Variants in ZAN observed in about 807,000 individuals in gnomAD.
ZAN encodes zonadhesin, also known as zonadhesin (gene/pseudogene).
In ZAN, 260 loss-of-function variants were observed where a neutral mutation model predicts 286.2. That is an observed-to-expected ratio of 0.91 (90% CI 0.82 to 1.01). ZAN has a LOEUF of 1.01. Among genes scored for constraint, ZAN ranks in the 50% least tolerant of loss-of-function variants. The pLI is 0.00. For synonymous variants in ZAN, 1,368 were observed against 1,417.5 expected (o/e 0.97, Z 0.79); for missense variants, 3,410 against 3,639.2 (o/e 0.94, Z 1.62).
chr7:100,765,462 T>C lies in ZAN; in HGVS notation c.4378T>C (p.Cys1460Arg), dbSNP rs1415465744. The change falls in exon 23 of 48, where the codon TGT (cysteine) becomes CGT (arginine). Residue 1460 changes from cysteine to arginine, a missense_variant. By Grantham distance (180) the Cys-to-Arg change is radical. This residue lies in a region of ZAN where 1,042 missense variants were observed against 1,058.0 expected (regional missense o/e 0.98). Coordinates refer to ENST00000613979, the MANE Select transcript of ZAN (RefSeq NM_003386.3). ...MFCSDRCVEACECNPGFVLSG... is the reference protein window; with the variant it reads ...MFCSDRCVEARECNPGFVLSG... Reference sequence around the variant, plus strand: ...CTGCTCAGACCGGTGCGTGGAGGCCTGTGAATGCAATCCGGGCTTCGTCCT... The same window carrying C: ...CTGCTCAGACCGGTGCGTGGAGGCCCGTGAATGCAATCCGGGCTTCGTCCT... 6.2e-7 allele frequency: 1 copy of C among 1,613,570 alleles called. No individual in the cohort carries two copies. Among genetic ancestry groups the C allele is most frequent in the South Asian group, 1.1e-5 (1 of 90,978 alleles).
Position 100,759,767 on chromosome 7 carries a change from AG to A in ZAN, c.3620del (p.Gly1207AlafsTer5). On this transcript the variant is annotated frameshift_variant, in exon 18 of 48. Transcript: ENST00000613979. LOFTEE classifies it high-confidence loss of function. ...CCAAGAATGAGGAGCAGGGACAGGA[AG>A]GCGTGTCCTGCCTGAGCAAAGTCTA... ...TAKNEEQGQE[G>X]VSCLSKVYVT... 1 of 1,600,722 alleles carries A rather than the reference AG, an allele frequency of 6.2e-7. No homozygotes were observed. The highest frequency in any genetic ancestry group is 8.5e-7 in the Non-Finnish European group (1 of 1,173,844).
In ZAN at chr7:100,737,823, C is replaced by G. The variant is rs1807423299; in HGVS notation, c.613+474C>G. On this transcript the variant is annotated intron_variant, in intron 6 of 47. Coordinates refer to ENST00000613979, the MANE Select transcript of ZAN (RefSeq NM_003386.3). ...GCCGTGCCTAAAGAGAGGTCTCGGC[C>G]CAGCACAGTGGCTCAGGCCTGTAAT... is the stretch of plus-strand genomic sequence containing the variant. Among the ~76,000 whole-genome samples, 2 of 140,170 alleles carry G rather than the reference C, an allele frequency of 1.4e-5. 1 individual carries two copies. Among genetic ancestry groups the G allele is most frequent in the Non-Finnish European group, 3.2e-5 (2 of 62,632 alleles). 92.0% of individuals were successfully genotyped at this position (140,170 alleles called of 152,430 possible).
intron 3 of ZAN, 67 bp from the exon 4 acceptor site, chr7:100,736,416 C>T: frequency 3.4e-6 from 5 of 1,455,024 alleles, no homozygotes; most frequent in Non-Finnish European, 4.8e-6. Flanking sequence ...CTACTTCCCT[C>T]TCCCTGTGTG....
chr7:100,772,587 C>T (rs1378752001), intron 29 of ZAN, among the ~76,000 whole-genome samples: 2 of 151,532 alleles, frequency 1.3e-5, no homozygotes, highest in Non-Finnish European at 2.9e-5. Context: ...TTTGGGAGGC[C>T]GAGGCAGGTG....
At chr7:100,792,575 T>C (rs768658078) in intron 42 of ZAN, 96 bp downstream of exon 42, 1 of 1,568,808 alleles carries the variant, frequency 6.4e-7, no homozygotes, top group South Asian at 1.2e-5. Flanking sequence ...GTGCCGACCC[T>C]GACCCCTCTG....
chr7:100,787,902 C>A lies in ZAN; in HGVS notation c.6993C>A (p.Cys2331Ter). 1 of 1,529,068 alleles carries A rather than the reference C, an allele frequency of 6.5e-7. No homozygotes were observed. The allele number at this position is 1,529,068 out of a possible 1,614,324, so 94.7% of individuals were successfully genotyped here. A position where few individuals can be genotyped will look rare whatever the true frequency, so the allele number is the denominator to read the frequency against. The part of the protein sequence containing the change: ...SNCVSDKSEQ[C>*]SVYGDPRYLT... ...ACTTCTTGGCAGAGTCTGAACAATG[C>A]TCAGTCTATGGCGACCCCCGTTACC... The change falls in exon 38 of 48, where the codon TGC becomes TGA. Residue 2331 changes from cysteine to a stop codon, truncating the protein, a stop_gained. Coordinates refer to ENST00000613979, the MANE Select transcript of ZAN (RefSeq NM_003386.3). LOFTEE classifies it high-confidence loss of function.
intron 20 of ZAN, among the ~76,000 whole-genome samples, chr7:100,762,579 C>G (rs1471103815): frequency 1.3e-5 from 2 of 151,792 alleles, no homozygotes; most frequent in East Asian, 3.9e-4. Context: ...GCACCTGCCA[C>G]CACACACAGC....
At chr7:100,774,292 C>T (rs1464253482) in intron 31 of ZAN, among the ~76,000 whole-genome samples, 1 of 152,136 alleles carries the variant, frequency 6.6e-6, no homozygotes, top group Admixed American at 6.6e-5. Flanking sequence ...ATTGCTTGAA[C>T]CCAGGAGGCA....
At chr7:100,762,065 GC>G in intron 19 of ZAN, 149 bp from the exon 20 acceptor site, 1 of 902,566 alleles carries the variant, frequency 1.1e-6, no homozygotes, top group Non-Finnish European at 1.7e-6. Flanking sequence ...TTGGGGGAGG[GC>G]CATGGGGTCC....
At chr7:100,780,619 T>A (rs1391987152) in intron 35 of ZAN, among the ~76,000 whole-genome samples, 1 of 149,922 alleles carries the variant, frequency 6.7e-6, no homozygotes, top group Non-Finnish European at 1.5e-5. Flanking sequence ...TGTGATTGCA[T>A]CCCTGCACTC....
intron 25 of ZAN, 124 bp from the exon 26 acceptor site, chr7:100,767,706 TG>T: frequency 9.1e-7 from 1 of 1,093,004 alleles, no homozygotes; most frequent in Non-Finnish European, 1.3e-6. Flanking sequence ...CTCGAGATCC[TG>T]GGCTCAAGCG....
At chr7:100,764,240 C>T (rs1204705917) in intron 22 of ZAN, 44 bp downstream of exon 22, 4 of 1,468,272 alleles carry the variant, frequency 2.7e-6, no homozygotes, top group Non-Finnish European at 3.6e-6. Context: ...CACGGTGGCT[C>T]ACACCTATAA....
chr7:100,761,634 T>C (rs1044098904), intron 19 of ZAN, among the ~76,000 whole-genome samples: 22 of 151,070 alleles, frequency 1.5e-4, no homozygotes, highest in Admixed American at 6.6e-4. Context: ...ACCCTATCTC[T>C]AAAATAAATA....
rs529074251 is a variant in ZAN at position 100,757,347 on chromosome 7, TTGCCCTCATAA to T, written c.3310-846_3310-836del. ...GGTCGCCACGAATAGGCTGTGGTCC[TTGCCCTCATAA>T]TGCCCTCAGATTCAGAGAGACACAT... On this transcript the variant is annotated intron_variant, in intron 15 of 47. Coordinates refer to ENST00000613979, the MANE Select transcript of ZAN (RefSeq NM_003386.3). Among the ~76,000 whole-genome samples, 363 of 152,292 alleles carry T rather than the reference TTGCCCTCATAA, an allele frequency of 2.4e-3. 2 individuals carry two copies. The highest frequency in any genetic ancestry group is 5.2e-3 in the Admixed American group (79 of 15,286).
intron 28 of ZAN, among the ~76,000 whole-genome samples, chr7:100,770,719 A>G (rs1293557342): frequency 2.6e-5 from 4 of 151,766 alleles, no homozygotes; most frequent in Admixed American, 1.3e-4. Flanking sequence ...CAGTGGCACG[A>G]TCACAGCTCA....
rs1348336157 is a variant in ZAN, at chr7:100,779,690, G to A, written c.6562G>A (p.Gly2188Arg). ...CCTCTGCCAGGCTCTGCAAGCCTTC[G>A]GGGCCACCTGCCAGAGCCAGGGGCT... ...QALCQALQAF[G>R]ATCQSQGLKP... The change falls in exon 35 of 48, where the codon GGG (glycine) becomes AGG (arginine). Residue 2188 changes from glycine to arginine, a missense_variant. Coordinates refer to ENST00000613979, the MANE Select transcript of ZAN (RefSeq NM_003386.3). The A allele has an allele frequency of 6.4e-6, 10 of 1,561,450 alleles. No individual in the cohort carries two copies. Among genetic ancestry groups the A allele is most frequent in the African/African-American group, 1.4e-5 (1 of 73,478 alleles).
intron 2 of ZAN, 142 bp from the exon 3 acceptor site, chr7:100,735,577 GA>G (rs1244371880): frequency 5.0e-6 from 3 of 597,412 alleles, no homozygotes; most frequent in African/African-American, 2.2e-5. Context: ...AAGAAAAAAA[GA>G]AAAAAAGTCA....
rs189461624 is a variant in ZAN at position 100,765,932 on chromosome 7, C to T, written c.4470+378C>T. ...TGGGCCTCCCAAAGTGCTGGGATTACAGGCATGAGCCACCATGCCTGGCCC... is the reference window on the plus strand; with the variant it reads ...TGGGCCTCCCAAAGTGCTGGGATTATAGGCATGAGCCACCATGCCTGGCCC... On this transcript the variant is annotated intron_variant, in intron 23 of 47. Coordinates refer to ENST00000613979, the MANE Select transcript of ZAN (RefSeq NM_003386.3). Among the ~76,000 whole-genome samples, 599 of 151,988 alleles carry T rather than the reference C, an allele frequency of 3.9e-3. 5 individuals are homozygous for T. Among genetic ancestry groups the T allele is most frequent in the African/African-American group, 0.013 (556 of 41,438 alleles).
In ZAN at chr7:100,767,173, G is replaced by A. The variant is rs776709692; in HGVS notation, c.4776G>A (p.Gly1592=). The A allele has an allele frequency of 9.9e-6, 16 of 1,613,664 alleles. No individual in the cohort carries two copies. In the East Asian group the frequency reaches 2.7e-4, roughly 27 times the overall value. Residue 1592 remains glycine, a synonymous_variant, in exon 25 of 48, where the codon GGG becomes GGA. Coordinates refer to ENST00000613979, the MANE Select transcript of ZAN (RefSeq NM_003386.3). ...GCGCCACCAACGAGAACCGCGGGGGGATCCTGGAGGTCTCCTACATCAAAG... is the reference window on the plus strand; with the variant it reads ...GCGCCACCAACGAGAACCGCGGGGGAATCCTGGAGGTCTCCTACATCAAAG... ...VVSATNENRG[G]ILEVSYIKAV...
Sources: allele counts gnomAD v4.1 joint callset (sites outside exome capture counted in the v4.1 genomes callset), GRCh38; gene constraint gnomAD v4.1.1; regional missense constraint gnomAD v4.1.1; transcripts MANE v1.5; gene names NCBI Gene and HGNC (gene_info 2026-07-23, HGNC 2026-07-21).